USP15: variants seen among roughly 807,000 people sequenced by gnomAD.
The protein encoded by USP15 is ubiquitin specific peptidase 15.
A neutral mutation model predicts 127.1 loss-of-function variants in USP15; 18 were observed. That is an observed-to-expected ratio of 0.14 (90% CI 0.10 to 0.21). USP15 has a LOEUF of 0.21. Ranked by LOEUF, USP15 falls within the 10% of genes least tolerant of loss-of-function variation. The pLI, the probability that USP15 is intolerant of heterozygous loss-of-function variation, is 1.00. For missense variants in USP15, 805 were observed against 1,159.9 expected (o/e 0.69, Z 4.44); for synonymous variants, 364 against 393.7 (o/e 0.92, Z 0.89).
intron 1 of USP15, among the ~76,000 whole-genome samples, chr12:62,289,733 G>GTGTC (rs1280789619): frequency 7.3e-5 from 11 of 151,330 alleles, no homozygotes; most frequent in Admixed American, 4.0e-4. Flanking sequence ...GTGTGTGTGT[G>GTGTC]TGTGTTTAGA....
intron 8 of USP15, among the ~76,000 whole-genome samples, chr12:62,362,161 T>C (rs2066337781): frequency 6.6e-6 from 1 of 152,134 alleles, no homozygotes; most frequent in Non-Finnish European, 1.5e-5. Context: ...TGAGTTGTTA[T>C]TCAGTACATT....
Position 62,301,162 on chromosome 12 carries a change from C to T in USP15, c.218-1628C>T, listed in dbSNP as rs148733602. Among the ~76,000 whole-genome samples the T allele has an allele frequency of 4.3e-3, 661 of 152,068 alleles. 5 individuals are homozygous for T. Among genetic ancestry groups the T allele is most frequent in the African/African-American group, 0.015 (609 of 41,514 alleles). Reference sequence around the variant, plus strand: ...ATATTAGAGAAATGAAGATTAAAACCACAATGAGAAAACTGATCCATACCA... The same window carrying T: ...ATATTAGAGAAATGAAGATTAAAACTACAATGAGAAAACTGATCCATACCA... On this transcript the variant is annotated intron_variant, in intron 2 of 21. Transcript: ENST00000280377.
chr12:62,373,821 CCTTT>C (rs1178425194), intron 8 of USP15, among the ~76,000 whole-genome samples: 1 of 151,664 alleles, frequency 6.6e-6, no homozygotes, highest in Non-Finnish European at 1.5e-5. Flanking sequence ...ATGAGATTTC[CCTTT>C]CTTAGAAAAA....
intron 1 of USP15, among the ~76,000 whole-genome samples, chr12:62,290,728 A>G (rs983497539): frequency 6.6e-6 from 1 of 152,026 alleles, no homozygotes; most frequent in African/African-American, 2.4e-5. Context: ...ACTTTCTTAC[A>G]TTTTTATGAT....
At chr12:62,363,294 C>G (rs1169198989) in intron 8 of USP15, among the ~76,000 whole-genome samples, 1 of 152,036 alleles carries the variant, frequency 6.6e-6, no homozygotes, top group Non-Finnish European at 1.5e-5. Context: ...ACTCAACGAT[C>G]AATGAAAGCC....
chr12:62,304,774 A>G (rs1565836894), intron 3 of USP15: 1 of 440,740 alleles, frequency 2.3e-6, no homozygotes. Context: ...AAACAGACCC[A>G]TAAGAAACCC....
At position 62,317,001 on chromosome 12, in the gene USP15, A is replaced by G. The variant is rs189576854; in HGVS notation, c.475+2085A>G. ...CTATAATTTTTTACTGTATTAAATCATTGTTTTTCAAACTGGATTGTTGAT... is the reference window on the plus strand; with the variant it reads ...CTATAATTTTTTACTGTATTAAATCGTTGTTTTTCAAACTGGATTGTTGAT... On this transcript the variant is annotated intron_variant, in intron 4 of 21. Transcript: ENST00000280377. Among the ~76,000 whole-genome samples the G allele has an allele frequency of 2.8e-3, 424 of 152,256 alleles. 1 individual carries two copies. Among genetic ancestry groups the G allele is most frequent in the Non-Finnish European group, 3.9e-3 (266 of 67,990 alleles).
intron 6 of USP15, among the ~76,000 whole-genome samples, chr12:62,330,379 A>G (rs1342173664): frequency 1.3e-5 from 2 of 151,850 alleles, no homozygotes; most frequent in Non-Finnish European, 2.9e-5. Context: ...ATTTGAGGTC[A>G]GGATTTCAAA....
intron 7 of USP15, among the ~76,000 whole-genome samples, chr12:62,354,728 T>C (rs2066066522): frequency 6.6e-6 from 1 of 151,950 alleles, no homozygotes; most frequent in Non-Finnish European, 1.5e-5. Flanking sequence ...CAAATAACAC[T>C]GGGATATACT....
chr12:62,327,210 C>T (rs917845575), intron 6 of USP15, among the ~76,000 whole-genome samples: 10 of 135,976 alleles, frequency 7.4e-5, no homozygotes, highest in South Asian at 4.6e-4. Flanking sequence ...TTTTATCTTA[C>T]GTGAAATTTT....
At chr12:62,373,625 CG>C (rs1004707493) in intron 8 of USP15, among the ~76,000 whole-genome samples, 10 of 151,422 alleles carry the variant, frequency 6.6e-5, no homozygotes, top group Non-Finnish European at 1.2e-4. Flanking sequence ...TCTTCACTGA[CG>C]GGGGAAAAAA....
At chr12:62,333,434 T>G (rs1449469063) in intron 6 of USP15, among the ~76,000 whole-genome samples, 1 of 151,978 alleles carries the variant, frequency 6.6e-6, no homozygotes. Flanking sequence ...CTGGCTAATT[T>G]TTGGGTTTTT....
At chr12:62,338,415 A>G (rs915281522) in intron 6 of USP15, among the ~76,000 whole-genome samples, 1 of 152,052 alleles carries the variant, frequency 6.6e-6, no homozygotes, top group Non-Finnish European at 1.5e-5. Context: ...ATTTTCTCCC[A>G]TTCTGTAGGT....
At chr12:62,272,665 A>G (rs2063370766) in intron 1 of USP15, among the ~76,000 whole-genome samples, 1 of 152,008 alleles carries the variant, frequency 6.6e-6, no homozygotes, top group African/African-American at 2.4e-5. Context: ...AAAACCTTTT[A>G]CATTCATATA....
At chr12:62,396,009 G>A (rs2067478768) in intron 19 of USP15, among the ~76,000 whole-genome samples, 1 of 151,976 alleles carries the variant, frequency 6.6e-6, no homozygotes, top group African/African-American at 2.4e-5. Context: ...AACATGGGGA[G>A]TGCAGATATC....
chr12:62,302,254 A>T (rs951280011), intron 2 of USP15, among the ~76,000 whole-genome samples: 4 of 152,198 alleles, frequency 2.6e-5, no homozygotes, highest in African/African-American at 9.6e-5. Context: ...ACAAAAGCTG[A>T]TGCTAGAATG....
chr12:62,386,636 C>A (rs997430568), intron 11 of USP15, among the ~76,000 whole-genome samples: 9 of 151,956 alleles, frequency 5.9e-5, no homozygotes, highest in Admixed American at 2.6e-4. Flanking sequence ...GGACATGGCC[C>A]ACTTCTGTAA....
chr12:62,354,704 A>G (rs1439584339), intron 7 of USP15, among the ~76,000 whole-genome samples: 2 of 151,972 alleles, frequency 1.3e-5, no homozygotes, highest in Admixed American at 6.6e-5. Flanking sequence ...TGAGAAACCA[A>G]AAGAAAGAAA....
At chr12:62,287,423 C>T (rs1367424398) in intron 1 of USP15, among the ~76,000 whole-genome samples, 1 of 151,736 alleles carries the variant, frequency 6.6e-6, no homozygotes, top group Non-Finnish European at 1.5e-5. Context: ...TTTTGGTTGC[C>T]ATTGTTGTCA....
Sources: allele counts gnomAD v4.1 joint callset (sites outside exome capture counted in the v4.1 genomes callset), GRCh38; gene constraint gnomAD v4.1.1; transcripts MANE v1.5; gene names NCBI Gene and HGNC (gene_info 2026-07-23, HGNC 2026-07-21).